PTPRT: variants seen among roughly 807,000 people sequenced by gnomAD.
The protein encoded by PTPRT is protein tyrosine phosphatase receptor type T, also known as receptor-type tyrosine-protein phosphatase T.
In PTPRT, 56 loss-of-function variants were observed where a neutral mutation model predicts 176.8. The observed-to-expected ratio is 0.32, with a 90% CI of 0.26 to 0.40. The LOEUF (loss-of-function observed/expected upper bound fraction) is 0.40. Among genes scored for constraint, PTPRT ranks in the 10% least tolerant of loss-of-function variants. The probability of loss-of-function intolerance (pLI) is 1.00; values close to 1 mark genes in which losing one functional copy is unlikely to be tolerated. For missense variants in PTPRT, 1,540 were observed against 1,908.2 expected (o/e 0.81, Z 3.60); for synonymous variants, 783 against 739.0 (o/e 1.06, Z -0.96).
chr20:42,422,481 T>C (rs1464546192), intron 9 of PTPRT, among the ~76,000 whole-genome samples: 1 of 152,038 alleles, frequency 6.6e-6, no homozygotes, highest in Non-Finnish European at 1.5e-5. Flanking sequence ...GAAATGCAAA[T>C]CAAAACCACC....
chr20:42,915,453 A>C (rs1412803524), intron 1 of PTPRT, among the ~76,000 whole-genome samples: 1 of 152,214 alleles, frequency 6.6e-6, no homozygotes, highest in African/African-American at 2.4e-5. Flanking sequence ...AAGACTGCAC[A>C]GCCACGTAAT....
chr20:42,044,321 A>G, the PTPRT span, among the ~76,000 whole-genome samples: 37 of 152,332 alleles, frequency 2.4e-4, no homozygotes, highest in African/African-American at 7.2e-4. Flanking sequence ...GATGGTGTGT[A>G]CTTGTTCAGA....
chr20:42,862,140 T>C (rs1379537018), intron 2 of PTPRT, among the ~76,000 whole-genome samples: 1 of 152,158 alleles, frequency 6.6e-6, no homozygotes, highest in Non-Finnish European at 1.5e-5. Context: ...CTTGAAGATC[T>C]GGTGTATTTT....
intron 10 of PTPRT, among the ~76,000 whole-genome samples, chr20:42,351,169 G>T (rs556746920): frequency 1.3e-5 from 2 of 151,126 alleles, no homozygotes; most frequent in African/African-American, 4.9e-5. Context: ...TGATAGGAAT[G>T]CGACTATATC....
the PTPRT span, among the ~76,000 whole-genome samples, chr20:42,056,835 G>T: frequency 2.0e-5 from 3 of 152,342 alleles, no homozygotes; most frequent in African/African-American, 7.2e-5. Context: ...ATGGTCACCT[G>T]AAGTAATGCC....
At chr20:42,281,168 T>C (rs1416802855) in intron 13 of PTPRT, among the ~76,000 whole-genome samples, 1 of 152,206 alleles carries the variant, frequency 6.6e-6, no homozygotes, top group Non-Finnish European at 1.5e-5. Context: ...CTACATTATC[T>C]GTTTTCTTCA....
At chr20:42,386,759 G>T (rs2145653106) in intron 9 of PTPRT, among the ~76,000 whole-genome samples, 1 of 152,286 alleles carries the variant, frequency 6.6e-6, no homozygotes, top group South Asian at 2.1e-4. Context: ...TATTTGGGAG[G>T]CTGAGGCAAA....
chr20:42,897,640 T>C (rs1403802822), intron 1 of PTPRT, among the ~76,000 whole-genome samples: 1 of 152,092 alleles, frequency 6.6e-6, no homozygotes, highest in Non-Finnish European at 1.5e-5. Flanking sequence ...CCTTGGGTGG[T>C]GGATGATGTT....
chr20:42,364,784 A>G (rs1412734894), intron 9 of PTPRT, among the ~76,000 whole-genome samples: 1 of 152,072 alleles, frequency 6.6e-6, no homozygotes, highest in Non-Finnish European at 1.5e-5. Context: ...GGAAGGAACT[A>G]CTCCATTTAC....
At position 42,077,812 on chromosome 20, in the gene PTPRT, G is replaced by GTTTTT; in HGVS notation, c.*3066_*3067insAAAAA. ...GCTGGGTTACCCCAACATGGCCTGA[G>GTTTTT]ATTTTTTTTTTTTGCAAGTTTGTTT... On this transcript the variant is annotated 3_prime_UTR_variant, in exon 31 of 31. Transcript: ENST00000373187. The GTTTTT allele has an allele frequency of 2.1e-5, 2 of 95,388 alleles. No homozygotes were observed. Among genetic ancestry groups the GTTTTT allele is most frequent in the Admixed American group, 1.5e-4 (1 of 6,512 alleles). 5.9% of individuals were successfully genotyped at this position (95,388 alleles called of 1,614,324 possible). A position where few individuals can be genotyped will look rare whatever the true frequency, so the allele number is the denominator to read the frequency against.
chr20:43,107,510 T>A (rs2012667593), intron 1 of PTPRT, among the ~76,000 whole-genome samples: 1 of 152,202 alleles, frequency 6.6e-6, no homozygotes, highest in African/African-American at 2.4e-5. Flanking sequence ...AAATTTAGAC[T>A]AAGTGGTGTA....
chr20:43,064,008 T>C lies in PTPRT; in HGVS notation c.88+125638A>G, dbSNP rs184893368. On this transcript the variant is annotated intron_variant, in intron 1 of 30. Coordinates refer to ENST00000373187, the MANE Select transcript of PTPRT (RefSeq NM_007050.6). ...TTTCCTTATATTTACCCGTGGACTT[T>C]CCATGAGACCCAAACAACTTTTCTT... Among the ~76,000 whole-genome samples, 580 of 152,212 alleles carry C rather than the reference T, an allele frequency of 3.8e-3. 3 individuals are homozygous for C. Among genetic ancestry groups the C allele is most frequent in the African/African-American group, 0.013 (533 of 41,518 alleles).
At chr20:43,140,094 A>G (rs74503562) in intron 1 of PTPRT, among the ~76,000 whole-genome samples, 5,703 of 152,264 alleles carry the variant, frequency 0.037, 136 homozygotes, top group Non-Finnish European at 0.052. Flanking sequence ...ATTTCCTCTC[A>G]GTGATAATTT....
intron 1 of PTPRT, among the ~76,000 whole-genome samples, chr20:42,952,354 G>T (rs1333780466): frequency 6.6e-6 from 1 of 152,196 alleles, no homozygotes; most frequent in Non-Finnish European, 1.5e-5. Context: ...GAATCATCTT[G>T]CCTCTGCGTA....
chr20:42,894,262 A>G (rs2079252921), intron 1 of PTPRT, among the ~76,000 whole-genome samples: 1 of 152,182 alleles, frequency 6.6e-6, no homozygotes. Context: ...ACTGCTAAGG[A>G]GTAAACTGTG....
At chr20:42,899,187 C>T (rs915394210) in intron 1 of PTPRT, among the ~76,000 whole-genome samples, 4 of 152,256 alleles carry the variant, frequency 2.6e-5, no homozygotes, top group African/African-American at 4.8e-5. Flanking sequence ...TCTTTTCTCA[C>T]GCAACAGTGC....
chr20:42,678,259 CA>C (rs11368567), intron 6 of PTPRT, 100 bp from the exon 7 acceptor site: 127 of 1,148,734 alleles, frequency 1.1e-4, no homozygotes, highest in South Asian at 1.3e-4. Flanking sequence ...GATGTAGCCA[CA>C]AAAAAAATAG....
chr20:42,499,292 CTT>C (rs56128037), intron 7 of PTPRT, among the ~76,000 whole-genome samples: 19 of 140,924 alleles, frequency 1.3e-4, no homozygotes, highest in Admixed American at 2.1e-4. Context: ...TTTTGATAAA[CTT>C]TTTTTTTTTT....
At position 42,854,220 on chromosome 20, in the gene PTPRT, T is replaced by A. The variant is rs143714446; in HGVS notation, c.214+31587A>T. Among the ~76,000 whole-genome samples, 477 of 152,304 alleles carry A rather than the reference T, an allele frequency of 3.1e-3. 3 individuals are homozygous for A. Among genetic ancestry groups the A allele is most frequent in the African/African-American group, 0.011 (459 of 41,574 alleles). On this transcript the variant is annotated intron_variant, in intron 2 of 30. Transcript: ENST00000373187. The stretch of plus-strand genomic sequence containing the variant: ...TGTTTCCTTTTATTTGTTCATTCAT[T>A]CGTTCATTTGGCAAATACTTACCAA...
Sources: allele counts gnomAD v4.1 joint callset (sites outside exome capture counted in the v4.1 genomes callset), GRCh38; gene constraint gnomAD v4.1.1; transcripts MANE v1.5; gene names NCBI Gene and HGNC (gene_info 2026-07-23, HGNC 2026-07-21).